The following NEK1 variants were observed in gnomAD, a reference collection of about 807,000 sequenced individuals.
The protein encoded by NEK1 is NIMA related kinase 1, also known as serine/threonine-protein kinase Nek1.
A neutral mutation model predicts 182.1 loss-of-function variants in NEK1; 137 were observed. The ratio of observed to expected loss-of-function variants is 0.75; its 90% confidence interval spans 0.65 to 0.87. The LOEUF is 0.87. Ranked by LOEUF, NEK1 falls within the 40% of genes least tolerant of loss-of-function variation. NEK1 has a pLI of 0.00. For missense variants in NEK1, 1,391 were observed against 1,494.4 expected, an observed-to-expected ratio of 0.93 and a Z score of 1.14; for synonymous variants, 513 against 492.2, an observed-to-expected ratio of 1.04 and a Z score of -0.56.
At chr4:169,399,228 G>T (rs545215759) in intron 35 of NEK1, among the ~76,000 whole-genome samples, 2 of 151,312 alleles carry the variant, frequency 1.3e-5, no homozygotes, top group African/African-American at 4.9e-5. Context: ...CTGGACAACA[G>T]AGCAAGACTC....
chr4:169,422,620 T>G (rs1209275146), intron 31 of NEK1, among the ~76,000 whole-genome samples: 1 of 152,096 alleles, frequency 6.6e-6, no homozygotes, highest in East Asian at 1.9e-4. Flanking sequence ...GCAGGGATGG[T>G]TTTGTGTTCT....
In NEK1 at chr4:169,426,161, T is replaced by C. The variant is rs1184903075; in HGVS notation, c.2959A>G (p.Ser987Gly). The C allele has an allele frequency of 6.2e-7, 1 of 1,613,402 alleles. No individual in the cohort carries two copies. Among genetic ancestry groups the C allele is most frequent in the Non-Finnish European group, 8.5e-7 (1 of 1,179,484 alleles). Residue 987 changes from serine (S) to glycine (G), a missense_variant, in exon 30 of 36, where the codon AGT becomes GGT. This residue lies in a region of NEK1 where 1,216 missense variants were observed against 1,277.6 expected (regional missense o/e 0.95). Transcript: ENST00000507142. ...DGVSSTVDQL[S>G]DIHIEPGTND... is the part of the protein sequence containing the mutation. ...TGATGCTTACCTATATGAATGTCACTAAGTTGGTCCACAGTACTCGAGACT... is the reference window on the plus strand; with the variant it reads ...TGATGCTTACCTATATGAATGTCACCAAGTTGGTCCACAGTACTCGAGACT...
At chr4:169,448,926 C>T (rs1579724058) in intron 27 of NEK1, among the ~76,000 whole-genome samples, 1 of 152,222 alleles carries the variant, frequency 6.6e-6, no homozygotes, top group African/African-American at 2.4e-5. Context: ...GACAGACTAC[C>T]TGGAAACACG....
chr4:169,468,640 G>C (rs1234574964), intron 26 of NEK1, among the ~76,000 whole-genome samples: 2 of 152,186 alleles, frequency 1.3e-5, no homozygotes, highest in Non-Finnish European at 2.9e-5. Context: ...CATAAAATTA[G>C]TTAGGGAGGA....
intron 18 of NEK1, among the ~76,000 whole-genome samples, chr4:169,538,850 C>T (rs569520785): frequency 6.6e-6 from 1 of 152,092 alleles, no homozygotes; most frequent in Non-Finnish European, 1.5e-5. Flanking sequence ...AAGATTTGAG[C>T]ACTTCTGATT....
rs544854635 is a variant in NEK1, at chr4:169,455,300, C to T, written c.2587+7943G>A. Among the ~76,000 whole-genome samples the T allele has an allele frequency of 2.6e-5, 4 of 151,478 alleles. No individual in the cohort carries two copies. The South Asian group carries it at 8.4e-4, about 32-fold the overall frequency. ...ATGTATCAAACCTGCACGTTGTGCA[C>T]ATGTACCCTAGAACTTGAAGCATAA... On this transcript the variant is annotated intron_variant, in intron 27 of 35. Transcript: ENST00000507142.
chr4:169,445,391 C>A (rs148839496), intron 27 of NEK1, among the ~76,000 whole-genome samples: 232 of 152,144 alleles, frequency 1.5e-3, no homozygotes, highest in Non-Finnish European at 2.5e-3. Flanking sequence ...CACTACTGTA[C>A]TCCAACATGG....
chr4:169,495,531 C>T (rs547211978), intron 23 of NEK1, among the ~76,000 whole-genome samples: 95 of 152,218 alleles, frequency 6.2e-4, no homozygotes, highest in African/African-American at 2.0e-3. Context: ...CGTGAGCCAC[C>T]GTGCCCGGCC....
At chr4:169,465,301 T>G (rs1394912558) in intron 26 of NEK1, among the ~76,000 whole-genome samples, 1 of 151,996 alleles carries the variant, frequency 6.6e-6, no homozygotes, top group African/African-American at 2.4e-5. Context: ...TAAATGTTCA[T>G]AAGAGAAACC....
chr4:169,514,043 T>C (rs936439777), intron 19 of NEK1, among the ~76,000 whole-genome samples: 2 of 151,896 alleles, frequency 1.3e-5, no homozygotes, highest in African/African-American at 4.8e-5. Flanking sequence ...TGGAGTACAG[T>C]GGTGCAATCT....
At chr4:169,459,058 C>CA (rs1743455134) in intron 27 of NEK1, among the ~76,000 whole-genome samples, 1 of 151,586 alleles carries the variant, frequency 6.6e-6, no homozygotes, top group Non-Finnish European at 1.5e-5. Flanking sequence ...AAAAAAAACC[C>CA]AATCCAAAAC....
intron 12 of NEK1, among the ~76,000 whole-genome samples, chr4:169,562,757 T>G (rs1008468858): frequency 6.6e-6 from 1 of 152,156 alleles, no homozygotes; most frequent in Non-Finnish European, 1.5e-5. Flanking sequence ...ATGACTTTAA[T>G]TTTTAAAATT....
intron 31 of NEK1, among the ~76,000 whole-genome samples, chr4:169,407,335 G>A (rs530002001): frequency 1.3e-5 from 2 of 152,302 alleles, no homozygotes; most frequent in Admixed American, 1.3e-4. Context: ...CTCAATTGTA[G>A]GAACTGCTGA....
intron 9 of NEK1, among the ~76,000 whole-genome samples, chr4:169,586,915 A>C (rs1767636720): frequency 6.6e-6 from 1 of 151,996 alleles, no homozygotes; most frequent in Non-Finnish European, 1.5e-5. Flanking sequence ...CTGCTTATGA[A>C]CCTTATTCAC....
Position 169,594,762 on chromosome 4 carries a change from A to G in NEK1, c.313-3953T>C, listed in dbSNP as rs140215376. On this transcript the variant is annotated intron_variant, in intron 5 of 35. Coordinates refer to ENST00000507142, the MANE Select transcript of NEK1 (RefSeq NM_001199397.3). The stretch of plus-strand genomic sequence containing the variant: ...GCCTGGGAAGACTTGCCAAATCTAA[A>G]AAGATGCTCAGTCTTTCCTAGGTTA... Among the ~76,000 whole-genome samples, 8 of 152,364 alleles carry G rather than the reference A, an allele frequency of 5.3e-5. No individual in the cohort carries two copies. The East Asian group carries it at 1.5e-3, about 29-fold the overall frequency.
In NEK1 at chr4:169,445,865, T is replaced by TATATATATATAC. The variant is rs569539235; in HGVS notation, c.2588-7607_2588-7606insGTATATATATAT. On this transcript the variant is annotated intron_variant, in intron 27 of 35. Transcript: ENST00000507142. ...AACTATATACATATATATATATATA[T>TATATATATATAC]ACACACACACACACACACACATGCA... Among the ~76,000 whole-genome samples, 9 of 143,220 alleles carry TATATATATATAC rather than the reference T, an allele frequency of 6.3e-5. 1 individual carries two copies. Among genetic ancestry groups the TATATATATATAC allele is most frequent in the African/African-American group, 2.5e-4 (9 of 35,908 alleles). The allele number at this position is 143,220 out of a possible 152,430, so 94.0% of individuals were successfully genotyped here.
At chr4:169,405,404 G>T (rs1561129035) in intron 32 of NEK1, among the ~76,000 whole-genome samples, 1 of 152,074 alleles carries the variant, frequency 6.6e-6, no homozygotes, top group Admixed American at 6.6e-5. Context: ...ACTTTATAGG[G>T]TACTTATCAT....
chr4:169,497,490 T>TTTTA (rs1751559069), intron 23 of NEK1, among the ~76,000 whole-genome samples: 2 of 152,208 alleles, frequency 1.3e-5, no homozygotes, highest in African/African-American at 4.8e-5. Flanking sequence ...CTTTTAATTG[T>TTTTA]GATGTTAGGG....
intron 12 of NEK1, among the ~76,000 whole-genome samples, chr4:169,569,826 T>A (rs904462704): frequency 7.2e-5 from 11 of 152,202 alleles, no homozygotes; most frequent in African/African-American, 1.4e-4. Flanking sequence ...TGCAGTGTCG[T>A]GATCTCGGCT....
Sources: gnomAD v4.1 joint callset for allele counts (sites outside exome capture counted in the v4.1 genomes callset) on GRCh38, gnomAD v4.1.1 for gene constraint, gnomAD v4.1.1 regional missense constraint, MANE v1.5 for transcripts, NCBI Gene and HGNC (gene_info 2026-07-23, HGNC 2026-07-21) for gene names.